Variants in B4GALT1 observed in about 807,000 individuals in gnomAD.
The protein encoded by B4GALT1 is beta-1,4-galactosyltransferase 1, also known as N-acetyllactosamine synthase.
B4GALT1 carries 16 observed loss-of-function variants against 34.9 expected under a neutral mutation model. The observed-to-expected ratio is 0.46, with a 90% CI of 0.31 to 0.70. B4GALT1 has a LOEUF of 0.70. Ranked by LOEUF, B4GALT1 falls within the 30% of genes least tolerant of loss-of-function variation. B4GALT1 has a pLI of 0.05. For missense variants in B4GALT1, 445 were observed against 530.5 expected (o/e 0.84, Z 1.58); for synonymous variants, 221 against 218.1 (o/e 1.01, Z -0.12).
chr9:33,168,099 G>T (rs866600948), upstream of B4GALT1, among the ~76,000 whole-genome samples: 1 of 152,178 alleles, frequency 6.6e-6, no homozygotes, highest in African/African-American at 2.4e-5. Flanking sequence ...ATCAGCCGGC[G>T]TTACAGTCTA....
At chr9:33,142,441 T>C (rs1378522730) in intron 1 of B4GALT1, among the ~76,000 whole-genome samples, 1 of 152,142 alleles carries the variant, frequency 6.6e-6, no homozygotes, top group Non-Finnish European at 1.5e-5. Flanking sequence ...AAAATAAGGA[T>C]GTCAAAACAT....
chr9:33,135,051 G>T, intron 2 of B4GALT1, 138 bp downstream of exon 2: 2 of 858,688 alleles, frequency 2.3e-6, no homozygotes, highest in Non-Finnish European at 3.8e-6. Flanking sequence ...CACTGGTGGT[G>T]GCTGGGGGGC....
chr9:33,126,727 T>C (rs1335816611), intron 2 of B4GALT1, among the ~76,000 whole-genome samples: 2 of 70,272 alleles, frequency 2.8e-5, no homozygotes, highest in Non-Finnish European at 7.4e-5. Flanking sequence ...CCCCAGTGAG[T>C]GAGAGAGATG....
chr9:33,181,453 C>CACACACACACAA, the B4GALT1 span, among the ~76,000 whole-genome samples: 8 of 151,080 alleles, frequency 5.3e-5, no homozygotes, highest in African/African-American at 1.7e-4. Context: ...CACACACACA[C>CACACACACACAA]ACACACAAAC....
At chr9:33,120,825 T>A (rs753204542) in intron 2 of B4GALT1, among the ~76,000 whole-genome samples, 1 of 152,204 alleles carries the variant, frequency 6.6e-6, no homozygotes, top group Non-Finnish European at 1.5e-5. Flanking sequence ...TGTGTGTGAA[T>A]GACTATGAAC....
intron 4 of B4GALT1, among the ~76,000 whole-genome samples, 156 bp downstream of exon 4, chr9:33,115,829 TTTAGCA>T (rs1384650144): frequency 6.6e-6 from 1 of 152,186 alleles, no homozygotes; most frequent in Non-Finnish European, 1.5e-5. Context: ...ACAGATCCCT[TTTAGCA>T]CCTGCAGGAC....
intron 2 of B4GALT1, among the ~76,000 whole-genome samples, chr9:33,122,372 T>A (rs10116966): frequency 0.37 from 56,406 of 151,618 alleles, 11,204 homozygotes; most frequent in East Asian, 0.6. Flanking sequence ...TACAAAAATT[T>A]GCCAGGCATG....
At chr9:33,138,117 T>C (rs1360056) in intron 1 of B4GALT1, among the ~76,000 whole-genome samples, 149,264 of 152,306 alleles carry the variant, frequency 0.98, 73,185 homozygotes, top group South Asian at 1. Flanking sequence ...GGAATTCACA[T>C]GTGGCCTGGC....
chr9:33,135,226 C>A lies in B4GALT1; in HGVS notation c.611G>T (p.Arg204Leu). 2.5e-6 allele frequency: 4 copies of A among 1,614,116 alleles called. No individual in the cohort carries two copies. Among genetic ancestry groups the A allele is most frequent in the African/African-American group, 1.3e-5 (1 of 75,006 alleles). ...WLYYLHPVLQRQQLDYGIYVI... is the reference protein window; with the variant it reads ...WLYYLHPVLQLQQLDYGIYVI... ...ATAGATGCCATAGTCCAGCTGCTGG[C>A]GCTGCAGGACTGGGTGCAAATAATA... The change falls in exon 2 of 6, where the codon CGC becomes CTC. Residue 204 changes from arginine (R) to leucine (L), a missense_variant. Arg to Leu is a moderately radical substitution (Grantham distance 102). This residue lies in a region of B4GALT1 where 349 missense variants were observed against 395.5 expected (regional missense o/e 0.88). Coordinates refer to ENST00000379731, the MANE Select transcript of B4GALT1 (RefSeq NM_001497.4).
intron 1 of B4GALT1, among the ~76,000 whole-genome samples, chr9:33,155,189 G>C (rs1840578622): frequency 6.6e-6 from 1 of 152,130 alleles, no homozygotes; most frequent in African/African-American, 2.4e-5. Context: ...GGCAAACTGA[G>C]GCCCAGAGAG....
chr9:33,173,404 CA>C, the B4GALT1 span, among the ~76,000 whole-genome samples: 14 of 60,572 alleles, frequency 2.3e-4, no homozygotes, highest in African/African-American at 5.1e-4. Context: ...GACTCCGTCT[CA>C]AAAAAAAAAG....
chr9:33,116,218 T>A, intron 3 of B4GALT1, 105 bp from the exon 4 acceptor site: 1 of 1,405,434 alleles, frequency 7.1e-7, no homozygotes, highest in Non-Finnish European at 9.7e-7. Flanking sequence ...TTATTCTTTT[T>A]GCTTCTCTAG....
chr9:33,106,638 A>T (rs897962087), downstream of B4GALT1, among the ~76,000 whole-genome samples: 2 of 152,194 alleles, frequency 1.3e-5, no homozygotes, highest in East Asian at 3.8e-4. Context: ...GAACTTTAAT[A>T]GCTTACCCCG....
chr9:33,135,175 T>C lies in B4GALT1; in HGVS notation c.648+14A>G. 2.5e-6 allele frequency: 4 copies of C among 1,609,630 alleles called. No homozygotes were observed. Among genetic ancestry groups the C allele is most frequent in the Non-Finnish European group, 3.4e-6 (4 of 1,176,138 alleles). On this transcript the variant is annotated intron_variant, in intron 2 of 5. Transcript: ENST00000379731. ...CACACACACCCTCTCTCATTCCACC[T>C]TCCCAGGCCTCACCTGGTTGATAAC...
the B4GALT1 span, chr9:33,179,693 C>G: frequency 6.6e-6 from 1 of 152,190 alleles, no homozygotes; most frequent in Non-Finnish European, 1.5e-5. Flanking sequence ...TGAAGACCAA[C>G]CTTCTATTTT....
chr9:33,130,054 A>C (rs1368095918), intron 2 of B4GALT1, among the ~76,000 whole-genome samples: 2 of 152,180 alleles, frequency 1.3e-5, no homozygotes, highest in Non-Finnish European at 2.9e-5. Context: ...GCTGAGGGAG[A>C]GGAACAGAGG....
At chr9:33,114,654 G>A (rs2118021261) in intron 4 of B4GALT1, among the ~76,000 whole-genome samples, 1 of 152,322 alleles carries the variant, frequency 6.6e-6, no homozygotes, top group Non-Finnish European at 1.5e-5. Context: ...AGAACAGGGT[G>A]GAGGATTCTG....
chr9:33,180,250 C>T, the B4GALT1 span, among the ~76,000 whole-genome samples: 1 of 152,024 alleles, frequency 6.6e-6, no homozygotes, highest in African/African-American at 2.4e-5. Flanking sequence ...TTCCCTGTCC[C>T]GATTATTCGT....
At chr9:33,116,166 T>C in intron 3 of B4GALT1, 53 bp from the exon 4 acceptor site, 1 of 1,597,410 alleles carries the variant, frequency 6.3e-7, no homozygotes, top group Non-Finnish European at 8.6e-7. Context: ...AGTTCTGACA[T>C]CCCCAAAATA....
Sources: allele counts gnomAD v4.1 joint callset (sites outside exome capture counted in the v4.1 genomes callset), GRCh38; gene constraint gnomAD v4.1.1; regional missense constraint gnomAD v4.1.1; transcripts MANE v1.5; gene names NCBI Gene and HGNC (gene_info 2026-07-23, HGNC 2026-07-21).